The following CNTN5 variants were observed in gnomAD, a reference collection of about 807,000 sequenced individuals.
CNTN5 encodes contactin-5.
In CNTN5, 77 loss-of-function variants were observed where a neutral mutation model predicts 129.1. The observed-to-expected ratio is 0.60, with a 90% CI of 0.50 to 0.72. CNTN5 has a LOEUF of 0.72. Ranked by LOEUF, CNTN5 falls within the 30% of genes least tolerant of loss-of-function variation. The pLI is 0.00. For synonymous variants in CNTN5, 509 were observed against 465.6 expected (o/e 1.09, Z -1.20); for missense variants, 1,478 against 1,328.8 (o/e 1.11, Z -1.75).
intron 6 of CNTN5, among the ~76,000 whole-genome samples, chr11:99,906,357 T>C (rs140735411): frequency 6.6e-6 from 1 of 152,162 alleles, no homozygotes; most frequent in African/African-American, 2.4e-5. Flanking sequence ...GGGTGGGGTG[T>C]TGAATTTTGT....
At chr11:99,199,889 T>C (rs1410341393) in intron 1 of CNTN5, among the ~76,000 whole-genome samples, 1 of 152,142 alleles carries the variant, frequency 6.6e-6, no homozygotes, top group Non-Finnish European at 1.5e-5. Context: ...ATGACTGAAA[T>C]TCAGTTAAAA....
At chr11:100,017,034 T>G (rs547684126) in intron 9 of CNTN5, among the ~76,000 whole-genome samples, 1 of 152,100 alleles carries the variant, frequency 6.6e-6, no homozygotes, top group African/African-American at 2.4e-5. Flanking sequence ...GTACCAAAGC[T>G]AAATGATAAG....
chr11:99,337,083 C>G (rs1866261822), intron 2 of CNTN5, among the ~76,000 whole-genome samples: 1 of 152,030 alleles, frequency 6.6e-6, no homozygotes, highest in Admixed American at 6.6e-5. Context: ...AATAATTTTT[C>G]TCTATATCTT....
At chr11:99,084,054 G>A (rs367781422) in intron 1 of CNTN5, among the ~76,000 whole-genome samples, 2 of 152,152 alleles carry the variant, frequency 1.3e-5, no homozygotes, top group East Asian at 1.9e-4. Context: ...TTATTTGAGT[G>A]CTTGAAACCC....
intron 9 of CNTN5, among the ~76,000 whole-genome samples, chr11:100,010,785 C>T (rs1940480191): frequency 6.6e-6 from 1 of 152,182 alleles, no homozygotes; most frequent in South Asian, 2.1e-4. Context: ...GGCTTTGCCA[C>T]ATCTGTGGCT....
chr11:99,383,539 G>A (rs182460548), intron 2 of CNTN5, among the ~76,000 whole-genome samples: 93 of 151,714 alleles, frequency 6.1e-4, no homozygotes, highest in African/African-American at 2.2e-3. Context: ...AAAGGGACTC[G>A]ATACCTGCTC....
intron 3 of CNTN5, among the ~76,000 whole-genome samples, chr11:99,712,070 A>G (rs930624877): frequency 2.6e-5 from 4 of 152,086 alleles, no homozygotes; most frequent in Admixed American, 2.6e-4. Flanking sequence ...GTCTTCCACA[A>G]TGGTTGAACT....
intron 7 of CNTN5, among the ~76,000 whole-genome samples, chr11:99,939,828 A>G (rs969966933): frequency 1.3e-5 from 2 of 152,108 alleles, no homozygotes; most frequent in African/African-American, 2.4e-5. Flanking sequence ...AACCTCCTCT[A>G]TATGTTTGTG....
In CNTN5 at chr11:99,346,249, T is replaced by G. The variant is rs569072137; in HGVS notation, c.-71+20765T>G. ...GCAAGCAATAATTCTGCTTAATTGA[T>G]GATGATCAACAATCGATTGATTATC... On this transcript the variant is annotated intron_variant, in intron 2 of 24. Transcript: ENST00000524871. Among the ~76,000 whole-genome samples the G allele has an allele frequency of 8.4e-4, 128 of 152,336 alleles. 1 individual carries two copies. Among genetic ancestry groups the G allele is most frequent in the African/African-American group, 3.0e-3 (124 of 41,586 alleles).
intron 22 of CNTN5, among the ~76,000 whole-genome samples, 152 bp from the exon 23 acceptor site, chr11:100,340,941 C>G (rs1314402196): frequency 6.6e-6 from 1 of 152,182 alleles, no homozygotes; most frequent in African/African-American, 2.4e-5. Flanking sequence ...ACTCCTGGAG[C>G]AAAACCCTCC....
chr11:99,194,452 C>G (rs983392005), intron 1 of CNTN5, among the ~76,000 whole-genome samples: 1 of 151,960 alleles, frequency 6.6e-6, no homozygotes, highest in African/African-American at 2.4e-5. Flanking sequence ...AATATTATCC[C>G]AAAAAGCTGA....
chr11:99,043,792 C>T (rs929785220), intron 1 of CNTN5, among the ~76,000 whole-genome samples: 14 of 152,300 alleles, frequency 9.2e-5, no homozygotes, highest in Non-Finnish European at 1.5e-4. Context: ...GGATATTAGA[C>T]GGCATTAACT....
At chr11:99,310,130 G>A (rs946461834) in intron 1 of CNTN5, among the ~76,000 whole-genome samples, 1 of 152,106 alleles carries the variant, frequency 6.6e-6, no homozygotes, top group Non-Finnish European at 1.5e-5. Context: ...GTGCAATTTA[G>A]TGTATGCCAA....
In CNTN5 at chr11:99,140,305, C is replaced by T. The variant is rs147361761; in HGVS notation, c.-210+119035C>T. Reference sequence around the variant, plus strand: ...GGGGGTTTGGTGTACAGATTCATCACTCAGGTAGTGAGCATAGTACATACT... The same window carrying T: ...GGGGGTTTGGTGTACAGATTCATCATTCAGGTAGTGAGCATAGTACATACT... On this transcript the variant is annotated intron_variant, in intron 1 of 24. Coordinates refer to ENST00000524871, the MANE Select transcript of CNTN5 (RefSeq NM_014361.4). Among the ~76,000 whole-genome samples the T allele has an allele frequency of 1.1e-3, 173 of 152,076 alleles. 2 individuals carry two copies. Among genetic ancestry groups the T allele is most frequent in the African/African-American group, 3.9e-3 (163 of 41,480 alleles).
rs148101486 is a variant in CNTN5, at chr11:99,528,157, T to C, written c.-70-27988T>C. 9.1e-4 allele frequency among the ~76,000 whole-genome samples: 138 copies of C among 152,270 alleles called. 2 individuals are homozygous for C. Among genetic ancestry groups the C allele is most frequent in the East Asian group, 4.2e-3 (22 of 5,178 alleles). ...TTGAAAGATCAAAATCCTGAAACTATAATGCTGGAAAAAATAATTTTAAAA... is the reference window on the plus strand; with the variant it reads ...TTGAAAGATCAAAATCCTGAAACTACAATGCTGGAAAAAATAATTTTAAAA... On this transcript the variant is annotated intron_variant, in intron 2 of 24. Coordinates refer to ENST00000524871, the MANE Select transcript of CNTN5 (RefSeq NM_014361.4).
intron 13 of CNTN5, among the ~76,000 whole-genome samples, chr11:100,163,044 T>C (rs968268110): frequency 1.3e-5 from 2 of 151,774 alleles, no homozygotes; most frequent in Non-Finnish European, 2.9e-5. Flanking sequence ...TGTGTTAGAG[T>C]ATATTAAGTT....
intron 2 of CNTN5, among the ~76,000 whole-genome samples, chr11:99,498,689 CA>C (rs1281344705): frequency 6.6e-6 from 1 of 152,090 alleles, no homozygotes; most frequent in Non-Finnish European, 1.5e-5. Context: ...CCTGTGTCAC[CA>C]GTGAGGGGTT....
At chr11:100,294,863 GATA>G (rs1951070337) in intron 18 of CNTN5, among the ~76,000 whole-genome samples, 1 of 151,552 alleles carries the variant, frequency 6.6e-6, no homozygotes, top group Non-Finnish European at 1.5e-5. Context: ...TCAGTGCAGA[GATA>G]ATAACTGTGT....
At chr11:99,285,139 C>CT (rs560865421) in intron 1 of CNTN5, among the ~76,000 whole-genome samples, 247 of 152,148 alleles carry the variant, frequency 1.6e-3, no homozygotes, top group African/African-American at 5.6e-3. Flanking sequence ...AGGTAGGCAC[C>CT]TAGTGAGTTC....
Sources: allele counts gnomAD v4.1 joint callset (sites outside exome capture counted in the v4.1 genomes callset), GRCh38; gene constraint gnomAD v4.1.1; transcripts MANE v1.5; gene names NCBI Gene and HGNC (gene_info 2026-07-23, HGNC 2026-07-21).